Variants in SERINC1 observed in about 807,000 individuals in gnomAD.
The protein encoded by SERINC1 is serine incorporator 1, also known as tumor differentially expressed protein 2.
In SERINC1, 38 loss-of-function variants were observed where a neutral mutation model predicts 52.9. The ratio of observed to expected loss-of-function variants is 0.72; its 90% CI spans 0.55 to 0.94. The LOEUF is 0.94. SERINC1 is among the 40% of genes least tolerant of loss of function. SERINC1 has a pLI of 0.00. For synonymous variants in SERINC1, 198 were observed against 183.1 expected (o/e 1.08, Z -0.66); for missense variants, 471 against 533.9 (o/e 0.88, Z 1.16).
In SERINC1 at chr6:122,447,008, T is replaced by C; in HGVS notation, c.996-4A>G. 1 of 1,599,472 alleles carries C rather than the reference T, an allele frequency of 6.3e-7. No homozygotes were observed. The highest frequency in any genetic ancestry group is 1.3e-5 in the African/African-American group (1 of 74,678). On this transcript the variant is annotated splice_polypyrimidine_tract_variant and splice_region_variant and intron_variant, in intron 8 of 9. Coordinates refer to ENST00000339697, the MANE Select transcript of SERINC1 (RefSeq NM_020755.4). ...ACTATTGTTTGAAGTACGGATGCTG[T>C]ATGAAAGAGAGTTTAGGAGGAGAGA...
rs781222109 is a variant in SERINC1 at position 122,453,794 on chromosome 6, C to T, written c.565G>A (p.Gly189Arg). Residue 189 changes from glycine to arginine, a missense_variant, in exon 5 of 10, where the codon GGG (glycine) becomes AGG (arginine). Physicochemically the swap from Gly to Arg is moderately radical, Grantham distance 125. Transcript: ENST00000339697. Reference sequence around the variant, plus strand: ...CCTGCATACCAACATCTCGAGTTCCCTTCTTCCATTTTTTCAACCCACGAT... The same window carrying T: ...CCTGCATACCAACATCTCGAGTTCCTTTCTTCCATTTTTTCAACCCACGAT... ...NESWVEKMEE[G>R]NSRCWYAALL... 7 of 1,607,374 alleles carry T rather than the reference C, an allele frequency of 4.4e-6. No individual in the cohort carries two copies. In the South Asian group the frequency reaches 5.5e-5, roughly 13 times the overall value.
At chr6:122,470,593 G>A (rs960301001) in intron 1 of SERINC1, among the ~76,000 whole-genome samples, 9 of 152,118 alleles carry the variant, frequency 5.9e-5, no homozygotes, top group Non-Finnish European at 1.2e-4. Flanking sequence ...CCAGGCTTCC[G>A]TGCAAGAAGA....
At chr6:122,445,217 G>C in intron 9 of SERINC1, 38 bp from the exon 10 acceptor site, 2 of 1,599,306 alleles carry the variant, frequency 1.3e-6, no homozygotes, top group Admixed American at 1.7e-5. Context: ...AGGGGCAAGG[G>C]GGTTGAATTA....
At chr6:122,468,879 T>C (rs1327932279) in intron 1 of SERINC1, among the ~76,000 whole-genome samples, 1 of 152,188 alleles carries the variant, frequency 6.6e-6, no homozygotes, top group Non-Finnish European at 1.5e-5. Context: ...AGGTATTGTA[T>C]ATAAGGCTCA....
intron 9 of SERINC1, among the ~76,000 whole-genome samples, chr6:122,445,440 C>T (rs1427257749): frequency 6.6e-6 from 1 of 151,166 alleles, no homozygotes; most frequent in Non-Finnish European, 1.5e-5. Flanking sequence ...TTATGCATGT[C>T]TGCCATGTTA....
rs530659650 is a variant in SERINC1, at chr6:122,456,628, T to C, written c.224A>G (p.Glu75Gly). Residue 75 changes from glutamate to glycine, a missense_variant, in exon 3 of 10, where the codon GAG (glutamate) becomes GGG (glycine). Glu to Gly is a moderately conservative substitution (Grantham distance 98). Transcript: ENST00000339697. ...LNKIPGFCEN[E>G]KGVVPCNILV... Reference sequence around the variant, plus strand: ...AATGTTACAAGGGACAACACCTTTCTCATTCTCACAAAATCCAGGAATCTA... The same window carrying C: ...AATGTTACAAGGGACAACACCTTTCCCATTCTCACAAAATCCAGGAATCTA... The C allele has an allele frequency of 1.3e-6, 2 of 1,594,778 alleles. No individual in the cohort carries two copies. Among genetic ancestry groups the C allele is most frequent in the Admixed American group, 3.6e-5 (2 of 55,394 alleles).
chr6:122,454,427 G>T, intron 3 of SERINC1, 197 bp from the exon 4 acceptor site: 1 of 502,426 alleles, frequency 2.0e-6, no homozygotes, highest in Non-Finnish European at 3.6e-6. Context: ...AGATAACATA[G>T]TTTGGAGAGA....
At chr6:122,453,224 G>C (rs1200753316) in intron 5 of SERINC1, among the ~76,000 whole-genome samples, 1 of 152,044 alleles carries the variant, frequency 6.6e-6, no homozygotes, top group Non-Finnish European at 1.5e-5. Flanking sequence ...TGGGATATCT[G>C]TTTTCAAGTA....
intron 1 of SERINC1, among the ~76,000 whole-genome samples, chr6:122,469,023 ATGT>A (rs1775230705): frequency 6.6e-6 from 1 of 152,168 alleles, no homozygotes; most frequent in Non-Finnish European, 1.5e-5. Context: ...GATGTTTATA[ATGT>A]TTAAAGTAAT....
At position 122,444,118 on chromosome 6, in the gene SERINC1, C is replaced by T. The variant is rs1429339615; in HGVS notation, c.*926G>A. ...CAAGCAATCCTCCCACCTCAGCCTC[C>T]TCAGTAGCTGGGACCACAGGCATAT... is the stretch of plus-strand genomic sequence containing the variant. On this transcript the variant is annotated 3_prime_UTR_variant, in exon 10 of 10. Coordinates refer to ENST00000339697, the MANE Select transcript of SERINC1 (RefSeq NM_020755.4). The T allele has an allele frequency of 1.3e-5, 2 of 152,446 alleles. No individual in the cohort carries two copies. Among genetic ancestry groups the T allele is most frequent in the African/African-American group, 4.8e-5 (2 of 41,406 alleles). 9.4% of individuals were successfully genotyped at this position (152,446 alleles called of 1,614,324 possible).
At chr6:122,454,056 AAAC>A in intron 4 of SERINC1, 92 bp downstream of exon 4, 1 of 1,163,392 alleles carries the variant, frequency 8.6e-7, no homozygotes, top group South Asian at 1.5e-5. Context: ...ACACACCCCC[AAAC>A]AAAAAGACAA....
At chr6:122,456,455 A>C (rs1582633892) in intron 3 of SERINC1, 26 bp downstream of exon 3, 2 of 1,440,066 alleles carry the variant, frequency 1.4e-6, no homozygotes, top group Non-Finnish European at 1.8e-6. Context: ...CCAAGCTTTT[A>C]TATTGAAGCT....
chr6:122,450,640 A>G (rs1774888254), intron 7 of SERINC1, among the ~76,000 whole-genome samples: 1 of 152,346 alleles, frequency 6.6e-6, no homozygotes, highest in East Asian at 1.9e-4. Context: ...AAGATTCACC[A>G]TTCTAGATGC....
chr6:122,467,605 A>G (rs569802320), intron 1 of SERINC1, among the ~76,000 whole-genome samples: 1 of 152,236 alleles, frequency 6.6e-6, no homozygotes, highest in African/African-American at 2.4e-5. Flanking sequence ...AGATTCTGTC[A>G]AAAAAAGAAA....
At chr6:122,462,358 G>A (rs1403723316) in intron 1 of SERINC1, among the ~76,000 whole-genome samples, 2 of 152,104 alleles carry the variant, frequency 1.3e-5, no homozygotes, top group East Asian at 3.9e-4. Context: ...TCACACTGGA[G>A]GTCCCAGCCA....
chr6:122,471,442 T>G (rs183913840), intron 1 of SERINC1, among the ~76,000 whole-genome samples: 2 of 152,202 alleles, frequency 1.3e-5, no homozygotes, highest in African/African-American at 2.4e-5. Context: ...GGGGCCCTAT[T>G]CTAGTTCTCT....
intron 7 of SERINC1, among the ~76,000 whole-genome samples, chr6:122,449,728 C>A (rs1336370754): frequency 6.6e-6 from 1 of 152,152 alleles, no homozygotes; most frequent in Non-Finnish European, 1.5e-5. Flanking sequence ...ATGAAAGTAG[C>A]TACACTGGTC....
chr6:122,458,065 T>C (rs1461084088), intron 2 of SERINC1, among the ~76,000 whole-genome samples: 3 of 152,174 alleles, frequency 2.0e-5, no homozygotes, highest in Non-Finnish European at 4.4e-5. Context: ...TCAGGTCCGC[T>C]ATTCTCTTCT....
intron 1 of SERINC1, among the ~76,000 whole-genome samples, chr6:122,470,621 A>G (rs1233916638): frequency 6.6e-6 from 1 of 152,208 alleles, no homozygotes; most frequent in East Asian, 1.9e-4. Context: ...TATAATCAAA[A>G]GAACAGACTG....
Sources: gnomAD v4.1 joint callset for allele counts (sites outside exome capture counted in the v4.1 genomes callset) on GRCh38, gnomAD v4.1.1 for gene constraint, MANE v1.5 for transcripts, NCBI Gene and HGNC (gene_info 2026-07-23, HGNC 2026-07-21) for gene names.